SOX5: variants seen among roughly 807,000 people sequenced by gnomAD.
SOX5 encodes transcription factor SOX-5.
A neutral mutation model predicts 92.0 loss-of-function variants in SOX5; 9 were observed. The observed-to-expected ratio is 0.10, with a 90% CI of 0.06 to 0.17. The LOEUF (loss-of-function observed/expected upper bound fraction) is 0.17, where lower values mean the gene tolerates loss of function less well. Among genes scored for constraint, SOX5 ranks in the 10% least tolerant of loss-of-function variants. The pLI is 1.00. For synonymous variants in SOX5, 344 were observed against 336.3 expected (o/e 1.02, Z -0.25); for missense variants, 642 against 944.5 (o/e 0.68, Z 4.20).
rs373645614 is a variant in SOX5, at chr12:24,216,918, AC to A, written c.-76-3502del. Among the ~76,000 whole-genome samples the A allele has an allele frequency of 3.2e-4, 49 of 152,258 alleles. 1 individual carries two copies. Among genetic ancestry groups the A allele is most frequent in the African/African-American group, 1.2e-3 (48 of 41,538 alleles). ...ACTCCGGCCTGAGCAACAGAGCAAG[AC>A]TCCATCTTAAAAATCAAATAAAACT... On this transcript the variant is annotated intron_variant, in intron 3 of 4. Coordinates refer to the SOX5 transcript ENST00000446891.
chr12:23,883,264 C>T (rs1456188770), intron 2 of SOX5, among the ~76,000 whole-genome samples: 1 of 151,952 alleles, frequency 6.6e-6, no homozygotes, highest in Non-Finnish European at 1.5e-5. Flanking sequence ...AATGAGTTTG[C>T]ATCTCATGTT....
At chr12:24,405,260 T>A (rs1962655380) in intron 1 of SOX5, among the ~76,000 whole-genome samples, 1 of 152,178 alleles carries the variant, frequency 6.6e-6, no homozygotes, top group Non-Finnish European at 1.5e-5. Context: ...ACATGGTAAG[T>A]TCCAGAAAGA....
At position 23,551,784 on chromosome 12, in the gene SOX5, A is replaced by ATT. The variant is rs202060453; in HGVS notation, c.1489-5362_1489-5361dup. On this transcript the variant is annotated intron_variant, in intron 11 of 14. Transcript: ENST00000451604. Reference sequence around the variant, plus strand: ...ACAAAATCTGCCTTATCTAATACTGATTTTTTTTTTTCCCTTTCTGAATTC... The same window carrying ATT: ...ACAAAATCTGCCTTATCTAATACTGATTTTTTTTTTTTTCCCTTTCTGAATTC... 7.4e-5 allele frequency among the ~76,000 whole-genome samples: 11 copies of ATT among 148,014 alleles called. No individual in the cohort carries two copies. In the South Asian group the frequency reaches 8.5e-4, roughly 11 times the overall value.
chr12:23,588,695 T>A (rs1951089632), intron 9 of SOX5, among the ~76,000 whole-genome samples: 1 of 149,384 alleles, frequency 6.7e-6, no homozygotes, highest in Non-Finnish European at 1.5e-5. Context: ...TGATCTGTAT[T>A]CTTGATTATT....
intron 1 of SOX5, among the ~76,000 whole-genome samples, chr12:24,438,314 G>C (rs12303381): frequency 6.6e-6 from 1 of 152,052 alleles, no homozygotes; most frequent in East Asian, 1.9e-4. Context: ...ATAGCGTTAG[G>C]AGAAATACCT....
intron 4 of SOX5, among the ~76,000 whole-genome samples, chr12:24,142,400 T>C (rs1251750585): frequency 6.6e-6 from 1 of 152,200 alleles, no homozygotes; most frequent in Admixed American, 6.6e-5. Flanking sequence ...ATTCGGATTC[T>C]GGTACATTTG....
chr12:24,076,529 C>T (rs550649941), intron 4 of SOX5, among the ~76,000 whole-genome samples: 1 of 152,288 alleles, frequency 6.6e-6, no homozygotes, highest in South Asian at 2.1e-4. Context: ...ATGATCCTGA[C>T]ATTATAGGTG....
At chr12:24,422,711 A>G (rs1467540490) in intron 1 of SOX5, among the ~76,000 whole-genome samples, 1 of 152,224 alleles carries the variant, frequency 6.6e-6, no homozygotes, top group African/African-American at 2.4e-5. Context: ...AAAAAAGGTA[A>G]CAATTTAGAA....
intron 2 of SOX5, among the ~76,000 whole-genome samples, chr12:24,365,693 T>TTTTTTTTTTTTTTTTTTTTTTTG (rs1446820122): frequency 6.6e-6 from 1 of 150,916 alleles, no homozygotes; most frequent in Non-Finnish European, 1.5e-5. Flanking sequence ...AATACTTTTT[T>TTTTTTTTTTTTTTTTTTTTTTTG]AACTGAAGTT....
chr12:23,818,769 G>C (rs989053787), intron 3 of SOX5, among the ~76,000 whole-genome samples: 1 of 152,014 alleles, frequency 6.6e-6, no homozygotes, highest in Non-Finnish European at 1.5e-5. Context: ...TATTCTATGA[G>C]CTATTTTTCT....
chr12:24,259,221 C>T (rs1941714258), intron 3 of SOX5, among the ~76,000 whole-genome samples: 2 of 152,036 alleles, frequency 1.3e-5, no homozygotes, highest in Admixed American at 6.6e-5. Flanking sequence ...AGAAAGAGAG[C>T]GAGCGAGAGA....
intron 1 of SOX5, among the ~76,000 whole-genome samples, chr12:24,512,133 C>A (rs1286432817): frequency 1.3e-5 from 2 of 152,084 alleles, no homozygotes; most frequent in Non-Finnish European, 2.9e-5. Context: ...ATTCTTAAAG[C>A]CTTTGCAACA....
At chr12:24,139,466 A>G (rs1024074570) in intron 4 of SOX5, among the ~76,000 whole-genome samples, 2 of 152,228 alleles carry the variant, frequency 1.3e-5, no homozygotes, top group Non-Finnish European at 2.9e-5. Flanking sequence ...AGGCAACTGC[A>G]CTTGTCAGCT....
intron 2 of SOX5, among the ~76,000 whole-genome samples, chr12:23,851,573 G>T (rs1371309388): frequency 3.9e-5 from 6 of 152,060 alleles, no homozygotes; most frequent in Admixed American, 2.6e-4. Flanking sequence ...CCTCTGAAGA[G>T]TGTTTGTTAT....
chr12:23,872,052 C>T (rs941161153), intron 2 of SOX5, among the ~76,000 whole-genome samples: 1 of 149,672 alleles, frequency 6.7e-6, no homozygotes, highest in African/African-American at 2.5e-5. Flanking sequence ...GGCTGGAGTG[C>T]AGTGGCGCCA....
chr12:23,717,957 A>G (rs2092604137), intron 6 of SOX5, among the ~76,000 whole-genome samples: 1 of 152,314 alleles, frequency 6.6e-6, no homozygotes, highest in South Asian at 2.1e-4. Context: ...ATAGAGAAAA[A>G]CTATAATGTT....
At chr12:23,879,292 A>C (rs2096961486) in intron 2 of SOX5, among the ~76,000 whole-genome samples, 1 of 151,722 alleles carries the variant, frequency 6.6e-6, no homozygotes. Context: ...GTGACTCTCT[A>C]TTTTAATTAA....
At chr12:23,798,270 C>T (rs1042367659) in intron 3 of SOX5, among the ~76,000 whole-genome samples, 2 of 151,908 alleles carry the variant, frequency 1.3e-5, no homozygotes, top group African/African-American at 4.8e-5. Flanking sequence ...AACAAACATT[C>T]ACTGAATTGA....
intron 4 of SOX5, among the ~76,000 whole-genome samples, chr12:24,001,291 T>C (rs1191082060): frequency 1.3e-5 from 2 of 152,024 alleles, no homozygotes; most frequent in African/African-American, 4.8e-5. Context: ...GAGGTCTCAC[T>C]ATGTTGGCCA....
Sources: allele counts gnomAD v4.1 joint callset (sites outside exome capture counted in the v4.1 genomes callset), GRCh38; gene constraint gnomAD v4.1.1; transcripts MANE v1.5; gene names NCBI Gene and HGNC (gene_info 2026-07-23, HGNC 2026-07-21).